The following NEK10 variants were observed in gnomAD, a reference collection of about 807,000 sequenced individuals.
The protein encoded by NEK10 is NIMA related kinase 10, also known as serine/threonine-protein kinase Nek10.
Under a neutral mutation model 159.8 loss-of-function variants are expected in NEK10, and 122 were observed. The observed-to-expected ratio is 0.76, with a 90% confidence interval of 0.66 to 0.89. NEK10 has a LOEUF of 0.89. Ranked by LOEUF, NEK10 falls within the 40% of genes least tolerant of loss-of-function variation. NEK10 has a pLI of 0.00. For missense variants in NEK10, 1,342 were observed against 1,323.1 expected, an observed-to-expected ratio of 1.01 and a Z score of -0.22; for synonymous variants, 466 against 457.1, an observed-to-expected ratio of 1.02 and a Z score of -0.25.
chr3:27,293,925 T>G (rs2043169997), intron 15 of NEK10, among the ~76,000 whole-genome samples: 1 of 152,182 alleles, frequency 6.6e-6, no homozygotes, highest in African/African-American at 2.4e-5. Context: ...ACAAAATGAG[T>G]ACAGAGACAA....
intron 23 of NEK10, among the ~76,000 whole-genome samples, chr3:27,247,235 A>G (rs537311140): frequency 1.3e-5 from 2 of 152,102 alleles, no homozygotes; most frequent in Non-Finnish European, 2.9e-5. Flanking sequence ...ATTTTTCCCC[A>G]TTCAGTATGA....
chr3:27,125,240 G>GA (rs1292573563), intron 32 of NEK10, among the ~76,000 whole-genome samples: 1 of 151,930 alleles, frequency 6.6e-6, no homozygotes, highest in Non-Finnish European at 1.5e-5. Flanking sequence ...AACCTAAATA[G>GA]AAAAAATAAA....
chr3:27,299,528 G>T (rs1041307094), intron 13 of NEK10, among the ~76,000 whole-genome samples: 2 of 152,306 alleles, frequency 1.3e-5, no homozygotes, highest in Admixed American at 1.3e-4. Context: ...TCCCTGCTGG[G>T]GTACTGCCTA....
chr3:27,114,227 A>C (rs1522131), intron 35 of NEK10, among the ~76,000 whole-genome samples: 107,558 of 151,950 alleles, frequency 0.71, 38,445 homozygotes, highest in East Asian at 0.89. Flanking sequence ...AAATATCCAA[A>C]CTTGGTCAGA....
At chr3:27,306,207 T>C (rs2044231833) in intron 11 of NEK10, among the ~76,000 whole-genome samples, 1 of 152,178 alleles carries the variant, frequency 6.6e-6, no homozygotes, top group Non-Finnish European at 1.5e-5. Context: ...TTCTATTTCC[T>C]GGGCAACGTT....
intron 12 of NEK10, 64 bp from the exon 13 acceptor site, chr3:27,301,899 T>C: frequency 7.7e-7 from 1 of 1,306,882 alleles, no homozygotes; most frequent in Non-Finnish European, 1.1e-6. Context: ...GTCCTTTCTG[T>C]GTCACATTTA....
At chr3:27,310,786 G>T (rs1006075187) in intron 9 of NEK10, 163 bp downstream of exon 9, 10 of 480,474 alleles carry the variant, frequency 2.1e-5, no homozygotes, top group African/African-American at 2.0e-4. Context: ...TGTAATGCTG[G>T]TAAAGAATAT....
intron 5 of NEK10, among the ~76,000 whole-genome samples, chr3:27,339,957 T>G (rs2047085973): frequency 6.6e-6 from 1 of 152,152 alleles, no homozygotes; most frequent in South Asian, 2.1e-4. Flanking sequence ...TGGTAATTCC[T>G]CAAGGATCTA....
intron 22 of NEK10, among the ~76,000 whole-genome samples, chr3:27,258,073 G>A (rs1223849070): frequency 6.6e-6 from 1 of 151,882 alleles, no homozygotes; most frequent in East Asian, 1.9e-4. Flanking sequence ...TGGGATTACA[G>A]GCGTGAGCCT....
chr3:27,368,256 C>T (rs964059995), intron 1 of NEK10, among the ~76,000 whole-genome samples: 1 of 152,048 alleles, frequency 6.6e-6, no homozygotes, highest in African/African-American at 2.4e-5. Flanking sequence ...CGCTCCACTG[C>T]ACTCCAGCCT....
intron 23 of NEK10, among the ~76,000 whole-genome samples, chr3:27,241,083 G>A (rs530271498): frequency 6.6e-6 from 1 of 152,176 alleles, no homozygotes; most frequent in African/African-American, 2.4e-5. Context: ...ATGACTGGGG[G>A]AAAAAATTCT....
intron 30 of NEK10, 130 bp from the exon 31 acceptor site, chr3:27,141,712 A>T (rs888760133): frequency 1.7e-6 from 1 of 581,608 alleles, no homozygotes; most frequent in Non-Finnish European, 3.0e-6. Context: ...ATATGCAGAG[A>T]CCCTGTAATA....
chr3:27,121,561 C>G (rs973574070), intron 32 of NEK10, among the ~76,000 whole-genome samples: 25 of 152,182 alleles, frequency 1.6e-4, no homozygotes, highest in African/African-American at 6.0e-4. Flanking sequence ...TGCACAAGCT[C>G]TCTCTCTTTT....
intron 5 of NEK10, among the ~76,000 whole-genome samples, chr3:27,329,601 T>C (rs1448776186): frequency 6.6e-6 from 1 of 152,188 alleles, no homozygotes; most frequent in Non-Finnish European, 1.5e-5. Flanking sequence ...CCTGGGAAGG[T>C]AGGAACATTT....
chr3:27,150,509 C>T (rs1944723923), intron 30 of NEK10, among the ~76,000 whole-genome samples: 1 of 152,140 alleles, frequency 6.6e-6, no homozygotes, highest in Admixed American at 6.5e-5. Flanking sequence ...ATAAATAGAA[C>T]AACAAAGCCT....
intron 23 of NEK10, among the ~76,000 whole-genome samples, chr3:27,209,863 T>A (rs978616303): frequency 7.0e-6 from 1 of 142,522 alleles, no homozygotes; most frequent in Non-Finnish European, 1.6e-5. Context: ...ACAGAAATCT[T>A]CTTGAAAATC....
intron 23 of NEK10, among the ~76,000 whole-genome samples, chr3:27,209,396 C>G (rs1950805808): frequency 6.6e-6 from 1 of 152,144 alleles, no homozygotes; most frequent in Admixed American, 6.5e-5. Context: ...AATAGCAAAG[C>G]AGGATGTTTA....
chr3:27,184,831 G>C (rs1160852394), intron 26 of NEK10, among the ~76,000 whole-genome samples: 1 of 152,094 alleles, frequency 6.6e-6, no homozygotes, highest in African/African-American at 2.4e-5. Flanking sequence ...TTTCTACATG[G>C]CTTAATTTAA....
intron 26 of NEK10, among the ~76,000 whole-genome samples, chr3:27,183,524 C>A (rs1432836069): frequency 6.6e-6 from 1 of 151,688 alleles, no homozygotes; most frequent in African/African-American, 2.4e-5. Flanking sequence ...GGGTAGGCAA[C>A]AATTTCATTA....
Sources: allele counts gnomAD v4.1 joint callset (sites outside exome capture counted in the v4.1 genomes callset), GRCh38; gene constraint gnomAD v4.1.1; transcripts MANE v1.5; gene names NCBI Gene and HGNC (gene_info 2026-07-23, HGNC 2026-07-21).